EPB41: variants seen among roughly 807,000 people sequenced by gnomAD.
EPB41 encodes the protein erythrocyte membrane protein band 4.1.
Under a neutral mutation model 108.0 loss-of-function variants are expected in EPB41, and 65 were observed. The ratio of observed to expected loss-of-function variants is 0.60; its 90% confidence interval spans 0.49 to 0.74. The LOEUF is 0.74. Among genes scored for constraint, EPB41 ranks in the 30% least tolerant of loss-of-function variants. The probability of loss-of-function intolerance (pLI) is 0.00; values close to 1 mark genes in which losing one functional copy is unlikely to be tolerated. For missense variants in EPB41, 875 were observed against 1,037.0 expected (o/e 0.84, Z 2.15); for synonymous variants, 336 against 358.9 (o/e 0.94, Z 0.72).
intron 16 of EPB41, chr1:29,096,522 G>A (rs1221382069): frequency 2.0e-6 from 2 of 985,738 alleles, no homozygotes; most frequent in East Asian, 1.1e-4. Context: ...GTTACACCAG[G>A]AGAGCCACCT....
intron 4 of EPB41, among the ~76,000 whole-genome samples, chr1:28,999,860 T>A (rs111572728): frequency 6.6e-6 from 1 of 152,168 alleles, no homozygotes; most frequent in African/African-American, 2.4e-5. Flanking sequence ...CTTGGCTCAC[T>A]GCAGTCTCTG....
intron 1 of EPB41, among the ~76,000 whole-genome samples, chr1:28,967,573 C>G (rs1009295457): frequency 3.3e-5 from 5 of 152,022 alleles, no homozygotes; most frequent in Non-Finnish European, 5.9e-5. Context: ...TTCTTTCTCC[C>G]CCTTCATTTT....
chr1:29,095,798 T>A (rs763423134), intron 16 of EPB41, among the ~76,000 whole-genome samples: 4 of 152,008 alleles, frequency 2.6e-5, no homozygotes, highest in Non-Finnish European at 4.4e-5. Flanking sequence ...TATATTTTGA[T>A]TGATGCACAA....
intron 11 of EPB41, among the ~76,000 whole-genome samples, chr1:29,046,355 C>T (rs2150577111): frequency 6.6e-6 from 1 of 152,170 alleles, no homozygotes; most frequent in Non-Finnish European, 1.5e-5. Flanking sequence ...TCTCGAACTC[C>T]TGACCTCGTG....
chr1:28,893,316 C>T (rs2090328086), intron 1 of EPB41: 1 of 152,150 alleles, frequency 6.6e-6, no homozygotes, highest in Non-Finnish European at 1.5e-5. Context: ...AGCAAAACTC[C>T]CACCTCAGCC....
At chr1:29,106,566 T>G (rs1452512205) in intron 17 of EPB41, among the ~76,000 whole-genome samples, 1 of 111,562 alleles carries the variant, frequency 9.0e-6, no homozygotes, top group African/African-American at 3.4e-5. Context: ...TAGCTGGGAT[T>G]TTTTTTTTTT....
At chr1:28,927,192 A>C (rs555949818) in intron 1 of EPB41, among the ~76,000 whole-genome samples, 1 of 152,356 alleles carries the variant, frequency 6.6e-6, no homozygotes, top group South Asian at 2.1e-4. Flanking sequence ...TTACAGAAAG[A>C]TATACCTTAT....
chr1:28,996,754 C>G (rs1051595032), intron 3 of EPB41, among the ~76,000 whole-genome samples: 2 of 152,112 alleles, frequency 1.3e-5, no homozygotes, highest in African/African-American at 4.8e-5. Context: ...AACTATGTAG[C>G]CACCTGAAAG....
chr1:29,079,353 A>G (rs1173208832), intron 16 of EPB41, among the ~76,000 whole-genome samples: 2 of 152,020 alleles, frequency 1.3e-5, no homozygotes, highest in Non-Finnish European at 2.9e-5. Flanking sequence ...AAGCGCTGGT[A>G]TAAATTTAAG....
chr1:28,947,456 T>TACACACACC (rs2094530308), intron 1 of EPB41, among the ~76,000 whole-genome samples: 1 of 150,680 alleles, frequency 6.6e-6, no homozygotes, highest in Non-Finnish European at 1.5e-5. Flanking sequence ...CAAACGGCCT[T>TACACACACC]TTAATCTCTT....
At chr1:28,985,183 C>G (rs1442601618) in intron 1 of EPB41, among the ~76,000 whole-genome samples, 1 of 149,868 alleles carries the variant, frequency 6.7e-6, no homozygotes, top group Non-Finnish European at 1.5e-5. Context: ...AGGCTGGTCT[C>G]AAACTCCTGA....
chr1:29,079,919 C>T (rs1308155100), intron 16 of EPB41, among the ~76,000 whole-genome samples: 3 of 151,894 alleles, frequency 2.0e-5, no homozygotes, highest in Non-Finnish European at 4.4e-5. Flanking sequence ...ATTGCTCCGC[C>T]TGGGTGGCGG....
chr1:29,024,819 A>G (rs1168744018), intron 7 of EPB41, among the ~76,000 whole-genome samples: 1 of 151,984 alleles, frequency 6.6e-6, no homozygotes, highest in Non-Finnish European at 1.5e-5. Flanking sequence ...ATTCTGTTAG[A>G]GATGTGGTAG....
intron 1 of EPB41, among the ~76,000 whole-genome samples, chr1:28,926,762 T>C (rs1168713477): frequency 1.3e-5 from 2 of 152,234 alleles, no homozygotes; most frequent in Admixed American, 6.5e-5. Flanking sequence ...CTCATGGAGA[T>C]GGGAGAGAAT....
chr1:29,098,282 C>T (rs1386192987), intron 17 of EPB41, among the ~76,000 whole-genome samples: 1 of 152,192 alleles, frequency 6.6e-6, no homozygotes, highest in East Asian at 1.9e-4. Flanking sequence ...GCAAGCTCTG[C>T]CTCCCGGGTT....
chr1:28,935,059 C>T (rs1301778034), intron 1 of EPB41, among the ~76,000 whole-genome samples: 3 of 151,610 alleles, frequency 2.0e-5, no homozygotes. Flanking sequence ...CAGCTGTGAG[C>T]CATGTTCATG....
intron 6 of EPB41, among the ~76,000 whole-genome samples, chr1:29,016,274 C>T (rs1016193670): frequency 7.2e-5 from 11 of 151,970 alleles, no homozygotes; most frequent in African/African-American, 2.4e-4. Flanking sequence ...CTCCTGGGTT[C>T]GAGCGATTCT....
At chr1:29,079,859 T>C (rs1473131755) in intron 16 of EPB41, among the ~76,000 whole-genome samples, 1 of 151,812 alleles carries the variant, frequency 6.6e-6, no homozygotes, top group African/African-American at 2.4e-5. Flanking sequence ...TAGCCAGGCA[T>C]GATTGCGCGG....
chr1:28,951,801 C>G (rs1480227022), intron 1 of EPB41, among the ~76,000 whole-genome samples: 1 of 152,138 alleles, frequency 6.6e-6, no homozygotes, highest in Non-Finnish European at 1.5e-5. Flanking sequence ...CTGCAGTGAG[C>G]TGTGATTGTG....
Sources: allele counts gnomAD v4.1 joint callset (sites outside exome capture counted in the v4.1 genomes callset), GRCh38; gene constraint gnomAD v4.1.1; transcripts MANE v1.5; gene names NCBI Gene and HGNC (gene_info 2026-07-23, HGNC 2026-07-21).